SPON1: variants seen among roughly 807,000 people sequenced by gnomAD.
The protein encoded by SPON1 is spondin-1.
A neutral mutation model predicts 111.7 loss-of-function variants in SPON1; 52 were observed. The ratio of observed to expected loss-of-function variants is 0.47; its 90% CI spans 0.37 to 0.59. The LOEUF is 0.59. SPON1 is among the 20% of genes least tolerant of loss of function. The pLI, the probability that SPON1 is intolerant of heterozygous loss-of-function variation, is 0.00. For synonymous variants in SPON1, 410 were observed against 395.8 expected (o/e 1.04, Z -0.43); for missense variants, 957 against 1,068.5 (o/e 0.90, Z 1.46).
At chr11:14,143,975 A>C (rs1157611410) in intron 6 of SPON1, among the ~76,000 whole-genome samples, 1 of 152,236 alleles carries the variant, frequency 6.6e-6, no homozygotes, top group South Asian at 2.1e-4. Context: ...ATTGTTACTT[A>C]AGAACCATGA....
intron 11 of SPON1, among the ~76,000 whole-genome samples, chr11:14,258,255 C>G (rs528773235): frequency 6.6e-6 from 1 of 152,194 alleles, no homozygotes; most frequent in Non-Finnish European, 1.5e-5. Context: ...GAATCTAGAT[C>G]CATTGCCCTA....
At chr11:13,997,139 A>G (rs557028025) in intron 2 of SPON1, among the ~76,000 whole-genome samples, 15 of 152,318 alleles carry the variant, frequency 9.8e-5, no homozygotes, top group Non-Finnish European at 1.5e-4. Flanking sequence ...ACACATGTAT[A>G]TGTATATATG....
intron 2 of SPON1, among the ~76,000 whole-genome samples, chr11:14,027,076 C>T (rs546067779): frequency 6.6e-6 from 1 of 152,268 alleles, no homozygotes; most frequent in East Asian, 1.9e-4. Flanking sequence ...GAGACTGAAT[C>T]CATGGGAAAC....
In SPON1 at chr11:14,178,045, A is replaced by AACACACACACACACACACACACACAC. The variant is rs5789825; in HGVS notation, c.825+42482_825+42507dup. 2.0e-3 allele frequency among the ~76,000 whole-genome samples: 286 copies of AACACACACACACACACACACACACAC among 142,680 alleles called. 1 individual carries two copies. The highest frequency in any genetic ancestry group is 3.4e-3 in the Admixed American group (48 of 14,254). 93.6% of individuals were successfully genotyped at this position (142,680 alleles called of 152,430 possible). ...CTCACTGTTGTAAAACACACACACA[A>AACACACACACACACACACACACACAC]ACACACACACACACACACACACACA... On this transcript the variant is annotated intron_variant, in intron 6 of 15. Coordinates refer to ENST00000576479, the MANE Select transcript of SPON1 (RefSeq NM_006108.4).
chr11:14,189,953 A>C (rs1267732182), intron 6 of SPON1, among the ~76,000 whole-genome samples: 5 of 152,230 alleles, frequency 3.3e-5, no homozygotes, highest in Admixed American at 2.0e-4. Flanking sequence ...TGTATTTTGT[A>C]AGCGGGCACT....
intron 5 of SPON1, among the ~76,000 whole-genome samples, chr11:14,124,116 T>A (rs1363705220): frequency 6.6e-6 from 1 of 152,124 alleles, no homozygotes; most frequent in Non-Finnish European, 1.5e-5. Flanking sequence ...ATTAAGACAG[T>A]CATATCCTAT....
intron 6 of SPON1, among the ~76,000 whole-genome samples, chr11:14,234,114 G>T (rs1283998410): frequency 1.3e-5 from 2 of 152,126 alleles, no homozygotes; most frequent in Admixed American, 6.5e-5. Context: ...AGGGTTAGGG[G>T]TGCTGAAAGG....
chr11:14,251,704 C>T (rs1367672194), intron 7 of SPON1, among the ~76,000 whole-genome samples: 1 of 152,220 alleles, frequency 6.6e-6, no homozygotes, highest in Non-Finnish European at 1.5e-5. Context: ...TGCTGGACCA[C>T]CCCAGAGGAC....
At chr11:14,160,599 ATATATATT>A in intron 6 of SPON1, among the ~76,000 whole-genome samples, 1 of 29,528 alleles carries the variant, frequency 3.4e-5, no homozygotes, top group Non-Finnish European at 5.7e-5. Context: ...ATATATATTT[ATATATATT>A]TATATATATT....
chr11:13,997,447 C>G (rs1431037496), intron 2 of SPON1, among the ~76,000 whole-genome samples: 2 of 152,126 alleles, frequency 1.3e-5, no homozygotes, highest in African/African-American at 4.8e-5. Flanking sequence ...TAAAAATGAT[C>G]AAAATAAAAT....
chr11:14,066,759 CA>C (rs1848835599), intron 3 of SPON1, among the ~76,000 whole-genome samples: 1 of 152,176 alleles, frequency 6.6e-6, no homozygotes, highest in African/African-American at 2.4e-5. Context: ...AGGCCTGACC[CA>C]GCACAGGGAC....
In SPON1 at chr11:14,265,882, C is replaced by A. The variant is rs782304772; in HGVS notation, c.*195C>A. 5 of 570,222 alleles carry A rather than the reference C, an allele frequency of 8.8e-6. No homozygotes were observed. The highest frequency in any genetic ancestry group is 1.5e-5 in the Non-Finnish European group (5 of 335,564). 35.3% of individuals were successfully genotyped at this position (570,222 alleles called of 1,614,324 possible). A position where few individuals can be genotyped will look rare whatever the true frequency, so the allele number is the denominator to read the frequency against. Reference sequence around the variant, plus strand: ...ATGGGTACAGGCTGAGTGGGGCGCCCTCACCTCCAGCCAGCCTCTTCCTGC... The same window carrying A: ...ATGGGTACAGGCTGAGTGGGGCGCCATCACCTCCAGCCAGCCTCTTCCTGC... On this transcript the variant is annotated 3_prime_UTR_variant, in exon 16 of 16. Coordinates refer to ENST00000576479, the MANE Select transcript of SPON1 (RefSeq NM_006108.4).
rs148505328 is a variant in SPON1 at position 14,215,966 on chromosome 11, C to T, written c.826-27366C>T. Among the ~76,000 whole-genome samples, 30 of 152,286 alleles carry T rather than the reference C, an allele frequency of 2.0e-4. No individual in the cohort carries two copies. In the East Asian group the frequency reaches 5.6e-3, roughly 28 times the overall value. On this transcript the variant is annotated intron_variant, in intron 6 of 15. Transcript: ENST00000576479. ...AATTTCTACACATCCCTTCTGTTTG[C>T]ATCACATTGGCTAAATGTTAGTCAC... is the stretch of plus-strand genomic sequence containing the variant.
At chr11:13,965,525 G>A (rs1428530751) in intron 1 of SPON1, among the ~76,000 whole-genome samples, 1 of 152,134 alleles carries the variant, frequency 6.6e-6, no homozygotes, top group Admixed American at 6.5e-5. Context: ...GACTGGATAG[G>A]GAGTGTCCTG....
At chr11:13,980,935 T>C (rs1384914511) in intron 1 of SPON1, among the ~76,000 whole-genome samples, 1 of 152,148 alleles carries the variant, frequency 6.6e-6, no homozygotes, top group Admixed American at 6.5e-5. Flanking sequence ...TTCCTATCCG[T>C]GAAATTGGAG....
chr11:14,073,461 C>T (rs2015276), intron 3 of SPON1, among the ~76,000 whole-genome samples: 2,321 of 152,288 alleles, frequency 0.015, 59 homozygotes, highest in African/African-American at 0.051. Flanking sequence ...ACCTCCCTGA[C>T]TTACCACTCG....
chr11:14,107,453 T>C (rs1278131316), intron 5 of SPON1, among the ~76,000 whole-genome samples: 1 of 152,150 alleles, frequency 6.6e-6, no homozygotes, highest in Admixed American at 6.5e-5. Context: ...TTCAAGTCTC[T>C]GGTTCCATCT....
chr11:14,090,824 G>GCTAC (rs1849046461), intron 5 of SPON1, among the ~76,000 whole-genome samples: 1 of 45,580 alleles, frequency 2.2e-5, no homozygotes, highest in Non-Finnish European at 3.9e-5. Context: ...CTCTTATCTG[G>GCTAC]CCCCCCCCCC....
chr11:14,243,487 G>A (rs1848953190), intron 7 of SPON1, 91 bp downstream of exon 7: 1 of 1,076,984 alleles, frequency 9.3e-7, no homozygotes, highest in Non-Finnish European at 1.4e-6. Flanking sequence ...CAGTTATGCT[G>A]TTGAAGTTAG....
Sources: allele counts gnomAD v4.1 joint callset (sites outside exome capture counted in the v4.1 genomes callset), GRCh38; gene constraint gnomAD v4.1.1; transcripts MANE v1.5; gene names NCBI Gene and HGNC (gene_info 2026-07-23, HGNC 2026-07-21).